Variants in SUCLG2 observed in about 807,000 individuals in gnomAD.
SUCLG2 encodes the protein succinate-CoA ligase GDP-forming subunit beta, also known as succinate--CoA ligase [GDP-forming] subunit beta, mitochondrial.
In SUCLG2, 42 loss-of-function variants were observed where a neutral mutation model predicts 47.9. The ratio of observed to expected loss-of-function variants is 0.88; its 90% CI spans 0.69 to 1.14. SUCLG2 has a LOEUF of 1.14. SUCLG2 is among the 50% of genes most tolerant of loss of function. SUCLG2 has a pLI of 0.00. For synonymous variants in SUCLG2, 195 were observed against 197.3 expected, an observed-to-expected ratio of 0.99 and a Z score of 0.10; for missense variants, 571 against 525.9, an observed-to-expected ratio of 1.09 and a Z score of -0.84.
intron 4 of SUCLG2, among the ~76,000 whole-genome samples, chr3:67,521,253 T>C (rs1294633927): frequency 6.6e-6 from 1 of 152,054 alleles, no homozygotes; most frequent in African/African-American, 2.4e-5. Context: ...AAATAAACCC[T>C]CGGGCCCCAG....
At chr3:67,577,571 T>C (rs996898463) in intron 2 of SUCLG2, among the ~76,000 whole-genome samples, 1 of 152,228 alleles carries the variant, frequency 6.6e-6, no homozygotes, top group Non-Finnish European at 1.5e-5. Flanking sequence ...TTTCATATTA[T>C]AGAGTTCTTA....
chr3:67,492,322 T>C lies in SUCLG2; in HGVS notation c.1062+3476A>G, dbSNP rs1294032149. Among the ~76,000 whole-genome samples, 4 of 152,210 alleles carry C rather than the reference T, an allele frequency of 2.6e-5. No homozygotes were observed. The East Asian group carries it at 7.7e-4, about 29-fold the overall frequency. The stretch of plus-strand genomic sequence containing the variant: ...TCGTGTAAGTGAACACTAGGTGTTT[T>C]GTGTAAGTGAACACAACATATTCCA... On this transcript the variant is annotated intron_variant, in intron 9 of 10. Transcript: ENST00000307227.
chr3:67,528,089 T>A, intron 4 of SUCLG2, 43 bp downstream of exon 4: 1 of 1,551,384 alleles, frequency 6.4e-7, no homozygotes, highest in Non-Finnish European at 8.9e-7. Context: ...CTTTTCTATT[T>A]TTTAACACAT....
intron 2 of SUCLG2, among the ~76,000 whole-genome samples, chr3:67,607,232 T>C (rs916485847): frequency 2.0e-5 from 3 of 152,182 alleles, no homozygotes; most frequent in South Asian, 2.1e-4. Context: ...CATCAGTCTC[T>C]TGAGCACCTG....
At chr3:67,395,556 C>T (rs1267377044) in intron 10 of SUCLG2, among the ~76,000 whole-genome samples, 2 of 152,088 alleles carry the variant, frequency 1.3e-5, no homozygotes, top group African/African-American at 4.8e-5. Context: ...AGACTTACTC[C>T]CACACAATAA....
intron 10 of SUCLG2, among the ~76,000 whole-genome samples, chr3:67,362,700 C>T (rs376095957): frequency 1.6e-4 from 25 of 152,126 alleles, no homozygotes; most frequent in African/African-American, 5.6e-4. Context: ...AGATGTAAGT[C>T]GTATCCTCCA....
chr3:67,376,206 G>A (rs972877808), intron 10 of SUCLG2: 2 of 985,428 alleles, frequency 2.0e-6, no homozygotes, highest in Non-Finnish European at 2.4e-6. Context: ...ACGTCATCAG[G>A]GGTTTGGGCT....
chr3:67,614,061 A>G (rs1700580864), intron 1 of SUCLG2, among the ~76,000 whole-genome samples: 1 of 152,166 alleles, frequency 6.6e-6, no homozygotes, highest in African/African-American at 2.4e-5. Flanking sequence ...TTCAACTCCT[A>G]GGAAGAGCTA....
rs72923174 is a variant in SUCLG2, at chr3:67,502,553, G to A, written c.758-4258C>T. Reference sequence around the variant, plus strand: ...TGGCAGGAGAGATTGTATGCAAAGCGCTTAGCTTCCTAGACAGTGGGTACT... The same window carrying A: ...TGGCAGGAGAGATTGTATGCAAAGCACTTAGCTTCCTAGACAGTGGGTACT... On this transcript the variant is annotated intron_variant, in intron 7 of 10. Transcript: ENST00000307227. 9.2e-3 allele frequency among the ~76,000 whole-genome samples: 1,394 copies of A among 152,270 alleles called. 24 individuals carry two copies. Among genetic ancestry groups the A allele is most frequent in the African/African-American group, 0.032 (1,321 of 41,536 alleles).
chr3:67,644,042 C>A (rs531757677), intron 1 of SUCLG2, among the ~76,000 whole-genome samples: 8 of 152,288 alleles, frequency 5.3e-5, no homozygotes, highest in Non-Finnish European at 8.8e-5. Context: ...GAATATACAA[C>A]AGAAACATTA....
intron 9 of SUCLG2, among the ~76,000 whole-genome samples, chr3:67,435,370 T>C (rs939944792): frequency 8.5e-5 from 13 of 152,224 alleles, no homozygotes; most frequent in South Asian, 2.1e-4. Context: ...AGAAAATATG[T>C]ATTATTAACA....
chr3:67,573,459 C>T (rs1179649453), intron 2 of SUCLG2, among the ~76,000 whole-genome samples: 3 of 152,226 alleles, frequency 2.0e-5, no homozygotes, highest in Non-Finnish European at 4.4e-5. Context: ...ACATATATTA[C>T]ATTTGATTGC....
intron 9 of SUCLG2, among the ~76,000 whole-genome samples, chr3:67,437,872 T>C (rs900758699): frequency 6.6e-6 from 1 of 152,192 alleles, no homozygotes; most frequent in Non-Finnish European, 1.5e-5. Flanking sequence ...CTGAGGCTAA[T>C]GTAGTGTGAT....
chr3:67,409,415 G>C (rs1215064471), intron 9 of SUCLG2, among the ~76,000 whole-genome samples: 1 of 152,166 alleles, frequency 6.6e-6, no homozygotes, highest in Non-Finnish European at 1.5e-5. Flanking sequence ...ATATCAGGCA[G>C]TGGAATGGCC....
At chr3:67,533,839 C>G (rs1706466295) in intron 2 of SUCLG2, among the ~76,000 whole-genome samples, 1 of 152,096 alleles carries the variant, frequency 6.6e-6, no homozygotes, top group Non-Finnish European at 1.5e-5. Flanking sequence ...TGTAATAATT[C>G]TCCATATGTC....
intron 10 of SUCLG2, chr3:67,376,347 T>TGA: frequency 2.0e-6 from 2 of 985,456 alleles, no homozygotes; most frequent in Non-Finnish European, 2.4e-6. Context: ...TGAAATGGGC[T>TGA]GAGCCCTTCA....
chr3:67,641,087 C>A (rs1701093042), intron 1 of SUCLG2, among the ~76,000 whole-genome samples: 1 of 152,154 alleles, frequency 6.6e-6, no homozygotes, highest in Non-Finnish European at 1.5e-5. Context: ...CAAGGCTCTG[C>A]ATTTATTCCA....
At chr3:67,628,992 C>T (rs1441585937) in intron 1 of SUCLG2, among the ~76,000 whole-genome samples, 5 of 152,300 alleles carry the variant, frequency 3.3e-5, no homozygotes, top group South Asian at 2.1e-4. Context: ...GATGAGAATG[C>T]GTGAGAAAAG....
chr3:67,497,646 G>C (rs545235483), intron 8 of SUCLG2, among the ~76,000 whole-genome samples: 1 of 152,264 alleles, frequency 6.6e-6, no homozygotes, highest in East Asian at 1.9e-4. Flanking sequence ...CTAAATTTCA[G>C]AAGAGTTCTG....
Sources: allele counts gnomAD v4.1 joint callset (sites outside exome capture counted in the v4.1 genomes callset), GRCh38; gene constraint gnomAD v4.1.1; transcripts MANE v1.5; gene names NCBI Gene and HGNC (gene_info 2026-07-23, HGNC 2026-07-21).